The following PIK3R3 variants were observed in gnomAD, a reference collection of about 807,000 sequenced individuals.
The protein encoded by PIK3R3 is phosphoinositide-3-kinase regulatory subunit 3.
A neutral mutation model predicts 62.9 loss-of-function variants in PIK3R3; 64 were observed. The observed-to-expected ratio is 1.02, with a 90% CI of 0.83 to 1.25. The LOEUF is 1.25. Among genes scored for constraint, PIK3R3 ranks in the 50% most tolerant of loss-of-function variants. The probability of loss-of-function intolerance (pLI) is 0.00; values close to 1 mark genes in which losing one functional copy is unlikely to be tolerated. For missense variants in PIK3R3, 614 were observed against 561.6 expected, an observed-to-expected ratio of 1.09 and a Z score of -0.94; for synonymous variants, 165 against 189.0, an observed-to-expected ratio of 0.87 and a Z score of 1.04.
chr1:46,060,029 G>A (rs1648326414), intron 6 of PIK3R3, among the ~76,000 whole-genome samples: 1 of 152,226 alleles, frequency 6.6e-6, no homozygotes, highest in Non-Finnish European at 1.5e-5. Context: ...GAACCCAGGA[G>A]GCGGAGGGTG....
intron 7 of PIK3R3, chr1:46,047,294 C>T (rs1324470901): frequency 8.6e-5 from 13 of 152,018 alleles, no homozygotes; most frequent in Admixed American, 6.6e-4. Context: ...AAAAATTAGC[C>T]AAGTGTGGTA....
chr1:46,111,668 T>G (rs1653755357), intron 1 of PIK3R3, among the ~76,000 whole-genome samples: 1 of 151,880 alleles, frequency 6.6e-6, no homozygotes, highest in South Asian at 2.1e-4. Flanking sequence ...GAGATTGCAG[T>G]GAGCTGAGAT....
In PIK3R3 at chr1:46,040,343, G is replaced by A. The variant is rs1417302683; in HGVS notation, c.*3330C>T. On this transcript the variant is annotated 3_prime_UTR_variant, in exon 10 of 10. Coordinates refer to ENST00000262741, the MANE Select transcript of PIK3R3 (RefSeq NM_003629.4). ...TGGTCTAGCAACTACATTATGAACT[G>A]TCCCATCACAAGACATACAGTTGGC... 4.3e-6 allele frequency: 1 copy of A among 231,456 alleles called. No individual in the cohort carries two copies. The allele number at this position is 231,456 out of a possible 1,614,324, so 14.3% of individuals were successfully genotyped here.
the PIK3R3 span, among the ~76,000 whole-genome samples, chr1:46,163,091 G>A: frequency 1.3e-5 from 2 of 152,182 alleles, no homozygotes; most frequent in Non-Finnish European, 2.9e-5. Context: ...GGCTGCTTCA[G>A]CCTTTTGGAC....
chr1:46,055,674 C>A, intron 7 of PIK3R3, 121 bp downstream of exon 7: 1 of 688,124 alleles, frequency 1.5e-6, no homozygotes. Context: ...AAATTCTTAC[C>A]ATCTTACTGG....
At chr1:46,155,337 GA>G in the PIK3R3 span, among the ~76,000 whole-genome samples, 142 of 136,104 alleles carry the variant, frequency 1.0e-3, no homozygotes, top group Non-Finnish European at 1.8e-3. Flanking sequence ...CAACAAAAAA[GA>G]AAAAAAAAAA....
chr1:46,098,647 T>C (rs1274176134), intron 1 of PIK3R3, among the ~76,000 whole-genome samples: 1 of 152,210 alleles, frequency 6.6e-6, no homozygotes, highest in African/African-American at 2.4e-5. Context: ...GGCAAACTTA[T>C]AGAGACAGAA....
At position 46,132,172 on chromosome 1, in the gene PIK3R3, CT is replaced by C; in HGVS notation, c.-221del. The C allele has an allele frequency of 7.6e-7, 1 of 1,322,080 alleles. No homozygotes were observed. The highest frequency in any genetic ancestry group is 9.7e-7 in the Non-Finnish European group (1 of 1,032,186). The allele number at this position is 1,322,080 out of a possible 1,614,324, so 81.9% of individuals were successfully genotyped here. ...TGCCCCCGAACTTTCAAGCTATGGG[CT>C]TTTCTCCTCAGAGGATTACACAGAG... On this transcript the variant is annotated 5_prime_UTR_variant, in exon 1 of 10. Coordinates refer to ENST00000262741, the MANE Select transcript of PIK3R3 (RefSeq NM_003629.4).
intron 8 of PIK3R3, 122 bp downstream of exon 8, chr1:46,046,429 C>A: frequency 1.4e-6 from 1 of 724,168 alleles, no homozygotes; most frequent in South Asian, 1.7e-5. Flanking sequence ...AAAAGATAGT[C>A]AAAGTTCTAG....
At chr1:46,092,048 A>T (rs916811503) in intron 1 of PIK3R3, among the ~76,000 whole-genome samples, 1 of 152,168 alleles carries the variant, frequency 6.6e-6, no homozygotes, top group Admixed American at 6.6e-5. Context: ...CGGGCCCACC[A>T]TATTTCCTCA....
In PIK3R3 at chr1:46,066,081, C is replaced by G; in HGVS notation, c.594G>C (p.Leu198=). Residue 198 remains leucine, a synonymous_variant, in exon 5 of 10, where the codon CTG becomes CTC. Coordinates refer to ENST00000262741, the MANE Select transcript of PIK3R3 (RefSeq NM_003629.4). ...GGGATGTTCTAGTATATTCTTCATA[C>G]AGCCTATCATACTCTTTACTCTTCT... The part of the protein sequence containing the change: ...YQEKSKEYDR[L]YEEYTRTSQE... 1 of 1,608,576 alleles carries G rather than the reference C, an allele frequency of 6.2e-7. No individual in the cohort carries two copies. The highest frequency in any genetic ancestry group is 8.5e-7 in the Non-Finnish European group (1 of 1,175,428).
intron 3 of PIK3R3, among the ~76,000 whole-genome samples, chr1:46,076,723 A>G (rs576009096): frequency 6.6e-6 from 1 of 152,296 alleles, no homozygotes; most frequent in South Asian, 2.1e-4. Flanking sequence ...CTTTCTAACT[A>G]TGTGACTTTA....
At chr1:46,135,072 G>A (rs1331492786), upstream of PIK3R3, among the ~76,000 whole-genome samples, 1 of 152,202 alleles carries the variant, frequency 6.6e-6, no homozygotes, top group Non-Finnish European at 1.5e-5. Flanking sequence ...GCTTAAACCA[G>A]TGCCCTGCCA....
At chr1:46,054,417 A>T (rs1399239732) in intron 7 of PIK3R3, among the ~76,000 whole-genome samples, 1 of 151,290 alleles carries the variant, frequency 6.6e-6, no homozygotes, top group African/African-American at 2.4e-5. Context: ...AAAAAAAAAA[A>T]AAAATCACCT....
At chr1:46,151,639 A>G in the PIK3R3 span, among the ~76,000 whole-genome samples, 1 of 152,172 alleles carries the variant, frequency 6.6e-6, no homozygotes, top group African/African-American at 2.4e-5. Flanking sequence ...TTGTTCCCTG[A>G]TGCTCTTCAA....
chr1:46,082,735 G>T (rs1025824720), intron 1 of PIK3R3, among the ~76,000 whole-genome samples: 1 of 152,048 alleles, frequency 6.6e-6, no homozygotes, highest in Non-Finnish European at 1.5e-5. Context: ...ATCTTGGGGG[G>T]AAGGAGAACA....
At chr1:46,147,650 C>T in the PIK3R3 span, among the ~76,000 whole-genome samples, 1 of 150,644 alleles carries the variant, frequency 6.6e-6, no homozygotes, top group Non-Finnish European at 1.5e-5. Context: ...CGATCTCGAT[C>T]TCCTGACCTC....
the PIK3R3 span, among the ~76,000 whole-genome samples, chr1:46,147,004 T>C: frequency 2.6e-5 from 4 of 152,142 alleles, no homozygotes; most frequent in South Asian, 6.2e-4. Flanking sequence ...GGGAAACAAA[T>C]GGGCAGGGAC....
At chr1:46,064,277 ACGCCT>A (rs1440642772) in intron 5 of PIK3R3, among the ~76,000 whole-genome samples, 1 of 152,192 alleles carries the variant, frequency 6.6e-6, no homozygotes, top group Non-Finnish European at 1.5e-5. Flanking sequence ...ACGGTGGCTC[ACGCCT>A]GTAATCCCAG....
Sources: gnomAD v4.1 joint callset for allele counts (sites outside exome capture counted in the v4.1 genomes callset) on GRCh38, gnomAD v4.1.1 for gene constraint, MANE v1.5 for transcripts, NCBI Gene and HGNC (gene_info 2026-07-23, HGNC 2026-07-21) for gene names.